TSHZ2: variants seen among roughly 807,000 people sequenced by gnomAD.
The protein encoded by TSHZ2 is teashirt zinc finger homeobox 2, also known as teashirt homolog 2.
Under a neutral mutation model 74.4 loss-of-function variants are expected in TSHZ2, and 21 were observed. That is an observed-to-expected ratio of 0.28 (90% CI 0.20 to 0.41). TSHZ2 has a LOEUF of 0.41. Among genes scored for constraint, TSHZ2 ranks in the 10% least tolerant of loss-of-function variants. The pLI is 1.00. For missense variants in TSHZ2, 1,244 were observed against 1,293.5 expected (o/e 0.96, Z 0.59); for synonymous variants, 540 against 515.3 (o/e 1.05, Z -0.65).
At chr20:53,406,537 G>A (rs1022174518) in intron 2 of TSHZ2, among the ~76,000 whole-genome samples, 22 of 152,116 alleles carry the variant, frequency 1.4e-4, no homozygotes, top group Non-Finnish European at 2.5e-4. Context: ...AGAGTCCCTG[G>A]TATGGCAGGT....
At chr20:53,308,837 C>T (rs892134678) in intron 2 of TSHZ2, among the ~76,000 whole-genome samples, 3 of 152,138 alleles carry the variant, frequency 2.0e-5, no homozygotes, top group South Asian at 2.1e-4. Flanking sequence ...AGAGCATTGT[C>T]GGGCAAGGTT....
intron 2 of TSHZ2, among the ~76,000 whole-genome samples, chr20:53,328,668 T>C (rs774509382): frequency 1.3e-5 from 2 of 152,252 alleles, no homozygotes; most frequent in Non-Finnish European, 2.9e-5. Flanking sequence ...AAAAATTATA[T>C]TGTTCCTTTT....
At chr20:53,311,884 C>G (rs994100616) in intron 2 of TSHZ2, among the ~76,000 whole-genome samples, 2 of 152,048 alleles carry the variant, frequency 1.3e-5, no homozygotes, top group African/African-American at 4.8e-5. Context: ...GAGTTTGAGA[C>G]CAGCCTTGGA....
chr20:53,229,929 GAGAA>G (rs768597731), intron 1 of TSHZ2, among the ~76,000 whole-genome samples: 2 of 149,016 alleles, frequency 1.3e-5, no homozygotes, highest in African/African-American at 2.5e-5. Context: ...GAAGAAGGAA[GAGAA>G]AGAAAAGAGA....
At chr20:53,288,731 C>T (rs978737471) in intron 2 of TSHZ2, among the ~76,000 whole-genome samples, 1 of 151,990 alleles carries the variant, frequency 6.6e-6, no homozygotes, top group African/African-American at 2.4e-5. Flanking sequence ...ATATAATATG[C>T]CTGATGCTAA....
At chr20:53,048,590 G>A (rs1035288809) in intron 1 of TSHZ2, among the ~76,000 whole-genome samples, 1 of 152,112 alleles carries the variant, frequency 6.6e-6, no homozygotes, top group African/African-American at 2.4e-5. Flanking sequence ...TTGATTTGCC[G>A]GGCGTGGGCA....
At chr20:53,322,160 T>C (rs771034320) in intron 2 of TSHZ2, among the ~76,000 whole-genome samples, 1 of 152,202 alleles carries the variant, frequency 6.6e-6, no homozygotes, top group Non-Finnish European at 1.5e-5. Flanking sequence ...ACTTCCTCAA[T>C]TTTATTCGAG....
intron 1 of TSHZ2, among the ~76,000 whole-genome samples, chr20:53,170,507 T>C (rs1353039717): frequency 1.3e-5 from 2 of 152,212 alleles, no homozygotes; most frequent in South Asian, 2.1e-4. Context: ...CCAGATACTT[T>C]CCTGCTATGA....
chr20:53,396,398 T>C (rs1600605617), intron 2 of TSHZ2, among the ~76,000 whole-genome samples: 1 of 152,284 alleles, frequency 6.6e-6, no homozygotes, highest in Admixed American at 6.5e-5. Context: ...ATTGTACAGA[T>C]GAAGAAACTG....
chr20:53,158,060 G>A (rs117428991), intron 1 of TSHZ2, among the ~76,000 whole-genome samples: 2,357 of 152,244 alleles, frequency 0.015, 28 homozygotes, highest in Non-Finnish European at 0.021. Flanking sequence ...TTGAGGAGGC[G>A]ATATTTGAAC....
chr20:53,152,100 C>T (rs929123246), intron 1 of TSHZ2, among the ~76,000 whole-genome samples: 1 of 152,164 alleles, frequency 6.6e-6, no homozygotes, highest in African/African-American at 2.4e-5. Flanking sequence ...TACTAAAATC[C>T]TAAGATATAC....
intron 1 of TSHZ2, among the ~76,000 whole-genome samples, chr20:53,019,865 A>G (rs548735124): frequency 6.6e-6 from 1 of 152,284 alleles, no homozygotes; most frequent in South Asian, 2.1e-4. Flanking sequence ...CTCTTCCTGT[A>G]TTAGTCTGTT....
chr20:53,023,958 T>A (rs536046124), intron 1 of TSHZ2, among the ~76,000 whole-genome samples: 7 of 152,176 alleles, frequency 4.6e-5, no homozygotes, highest in Non-Finnish European at 7.3e-5. Context: ...AGCCTTTCCA[T>A]TGTAGTCACT....
intron 1 of TSHZ2, among the ~76,000 whole-genome samples, chr20:53,097,127 T>TG (rs1986078568): frequency 1.3e-5 from 2 of 152,036 alleles, no homozygotes; most frequent in Non-Finnish European, 2.9e-5. Flanking sequence ...TGTCTCCAGA[T>TG]ATTGCCAAAC....
At chr20:53,273,546 T>C (rs993651955) in intron 2 of TSHZ2, among the ~76,000 whole-genome samples, 1 of 152,158 alleles carries the variant, frequency 6.6e-6, no homozygotes, top group Non-Finnish European at 1.5e-5. Context: ...GCCTCGACTT[T>C]CCAAAGTGCT....
chr20:53,489,149 T>C lies in TSHZ2; in HGVS notation c.*2014T>C, dbSNP rs928052106. ...CAACAGTACAACGGGGTGGCTTTTA[T>C]GGGATTTACTCATGGGCATAGGGAA... On this transcript the variant is annotated 3_prime_UTR_variant, in exon 3 of 3. Transcript: ENST00000371497. 4 of 456,136 alleles carry C rather than the reference T, an allele frequency of 8.8e-6. No homozygotes were observed. In the East Asian group the frequency reaches 2.1e-4, roughly 24 times the overall value. The allele number at this position is 456,136 out of a possible 1,614,324, so 28.3% of individuals were successfully genotyped here. A position where few individuals can be genotyped will look rare whatever the true frequency, so the allele number is the denominator to read the frequency against.
chr20:53,340,621 T>G (rs1197327963), intron 2 of TSHZ2, among the ~76,000 whole-genome samples: 1 of 152,222 alleles, frequency 6.6e-6, no homozygotes, highest in East Asian at 1.9e-4. Context: ...AGAAACTGTG[T>G]TGCGCACTCC....
chr20:53,232,553 TTAAG>T (rs1192936188), intron 1 of TSHZ2, among the ~76,000 whole-genome samples: 1 of 152,168 alleles, frequency 6.6e-6, no homozygotes. Flanking sequence ...ACCCAAATCA[TTAAG>T]TAAGAACGTT....
At chr20:53,413,910 G>A (rs1983143936) in intron 2 of TSHZ2, among the ~76,000 whole-genome samples, 1 of 151,936 alleles carries the variant, frequency 6.6e-6, no homozygotes, top group Non-Finnish European at 1.5e-5. Context: ...GGGAGGCCAA[G>A]GCAGGAGGAT....
Sources: gnomAD v4.1 joint callset for allele counts (sites outside exome capture counted in the v4.1 genomes callset) on GRCh38, gnomAD v4.1.1 for gene constraint, MANE v1.5 for transcripts, NCBI Gene and HGNC (gene_info 2026-07-23, HGNC 2026-07-21) for gene names.